PCDH18: variants seen among roughly 807,000 people sequenced by gnomAD.
The protein encoded by PCDH18 is protocadherin 18.
Under a neutral mutation model 71.5 loss-of-function variants are expected in PCDH18, and 38 were observed. The ratio of observed to expected loss-of-function variants is 0.53; its 90% CI spans 0.41 to 0.70. The LOEUF (loss-of-function observed/expected upper bound fraction) is 0.70. PCDH18 is among the 30% of genes least tolerant of loss of function. The pLI is 0.00. For synonymous variants in PCDH18, 565 were observed against 505.4 expected (o/e 1.12, Z -1.58); for missense variants, 1,334 against 1,384.6 (o/e 0.96, Z 0.58).
rs114619978 is a variant in PCDH18 at position 137,519,988 on chromosome 4, T to C, written c.*1041A>G. 8.0e-3 allele frequency: 1,220 copies of C among 152,644 alleles called. 10 individuals are homozygous for C. The highest frequency in any genetic ancestry group is 0.044 in the Middle Eastern group (13 of 294). The allele number at this position is 152,644 out of a possible 1,614,324, so 9.5% of individuals were successfully genotyped here. A position where few individuals can be genotyped will look rare whatever the true frequency, so the allele number is the denominator to read the frequency against. ...AAAGCAAAAATATGAGATCATGCAC[T>C]GGAGACAAAAGCTAAAAATGAATAG... On this transcript the variant is annotated 3_prime_UTR_variant, in exon 4 of 4. Coordinates refer to ENST00000344876, the MANE Select transcript of PCDH18 (RefSeq NM_019035.5).
In PCDH18 at chr4:137,528,723, A is replaced by C; in HGVS notation, c.2576+9T>G. ...GAAACTTAATAGGTAACACAAGAAT[A>C]ATTCATACCTGTAGCTCCTGGAATA... On this transcript the variant is annotated intron_variant, in intron 2 of 3. Coordinates refer to ENST00000344876, the MANE Select transcript of PCDH18 (RefSeq NM_019035.5). 6.2e-7 allele frequency: 1 copy of C among 1,609,756 alleles called. No individual in the cohort carries two copies. Among genetic ancestry groups the C allele is most frequent in the Non-Finnish European group, 8.5e-7 (1 of 1,176,094 alleles).
intron 3 of PCDH18, among the ~76,000 whole-genome samples, chr4:137,525,529 G>T (rs1323093470): frequency 6.6e-6 from 1 of 152,054 alleles, no homozygotes; most frequent in Non-Finnish European, 1.5e-5. Flanking sequence ...TCCAGAAGTT[G>T]CTGGGGTAAA....
In PCDH18 at chr4:137,532,301, G is replaced by A; in HGVS notation, c.-213C>T. 1 of 702,998 alleles carries A rather than the reference G, an allele frequency of 1.4e-6. No homozygotes were observed. 43.5% of individuals were successfully genotyped at this position (702,998 alleles called of 1,614,324 possible). A position where few individuals can be genotyped will look rare whatever the true frequency, so the allele number is the denominator to read the frequency against. ...CTTCGGCATGGAGTCCAGTCCTTGC[G>A]TTTGTTTGGTCGTTCGTCCTCTTTC... On this transcript the variant is annotated 5_prime_UTR_variant, in exon 1 of 4. The change creates a new upstream start codon in the 5' untranslated region. Transcript: ENST00000344876.
In PCDH18 at chr4:137,521,708, A is replaced by T; in HGVS notation, c.2741-12T>A. On this transcript the variant is annotated splice_polypyrimidine_tract_variant and intron_variant, in intron 3 of 3. Coordinates refer to ENST00000344876, the MANE Select transcript of PCDH18 (RefSeq NM_019035.5). Reference sequence around the variant, plus strand: ...GCAGAGTCTCATAGCTGCACTCAAGAAAAACAGTGGGGATTCATTATTATA... The same window carrying T: ...GCAGAGTCTCATAGCTGCACTCAAGTAAAACAGTGGGGATTCATTATTATA... The T allele has an allele frequency of 6.3e-7, 1 of 1,579,006 alleles. No individual in the cohort carries two copies. Among genetic ancestry groups the T allele is most frequent in the Non-Finnish European group, 8.6e-7 (1 of 1,161,466 alleles).
rs1731739155 is a variant in PCDH18, at chr4:137,532,231, C to T, written c.-143G>A. 1 of 758,516 alleles carries T rather than the reference C, an allele frequency of 1.3e-6. No individual in the cohort carries two copies. The highest frequency in any genetic ancestry group is 1.4e-5 in the South Asian group (1 of 71,082). 47.0% of individuals were successfully genotyped at this position (758,516 alleles called of 1,614,324 possible). On this transcript the variant is annotated 5_prime_UTR_variant, in exon 1 of 4. Transcript: ENST00000344876. ...TAACACAGCACAGCAATTAACAGCT[C>T]GCAAACTTTTGTTTTATACACACCG...
Position 137,521,696 on chromosome 4 carries a change from G to A in PCDH18, c.2741C>T (p.Ala914Val), listed in dbSNP as rs1192410783. 12 of 1,588,868 alleles carry A rather than the reference G, an allele frequency of 7.6e-6. No individual in the cohort carries two copies. The highest frequency in any genetic ancestry group is 2.2e-5 in the East Asian group (1 of 44,510). ...GCACTCCTCCGTGCAGAGTCTCATA[G>A]CTGCACTCAAGAAAAACAGTGGGGA... ...LFLTDGRIPAAMRLCTEECRV... is the reference protein window; with the variant it reads ...LFLTDGRIPAVMRLCTEECRV... The change falls in exon 4 of 4, where the codon GCT becomes GTT. Residue 914 changes from alanine to valine, a missense_variant and splice_region_variant. Around this residue, in one of 3 missense-constraint regions of PCDH18, gnomAD observed 319 missense variants for 316.3 expected, o/e 1.01. Coordinates refer to ENST00000344876, the MANE Select transcript of PCDH18 (RefSeq NM_019035.5).
chr4:137,525,402 G>T (rs1159212708), intron 3 of PCDH18, among the ~76,000 whole-genome samples: 1 of 152,074 alleles, frequency 6.6e-6, no homozygotes, highest in African/African-American at 2.4e-5. Context: ...TAAATGCTAT[G>T]GAAACTGTGC....
Position 137,520,174 on chromosome 4 carries a change from C to T in PCDH18, c.*855G>A, listed in dbSNP as rs1731248279. The T allele has an allele frequency of 6.6e-6, 1 of 152,548 alleles. No homozygotes were observed. Among genetic ancestry groups the T allele is most frequent in the South Asian group, 2.1e-4 (1 of 4,826 alleles). The allele number at this position is 152,548 out of a possible 1,614,324, so 9.4% of individuals were successfully genotyped here. ...GTTTTTATCCAGTAATATTTTATGC[C>T]ATTAGAACACATACTGTTATCCATT... On this transcript the variant is annotated 3_prime_UTR_variant, in exon 4 of 4. Transcript: ENST00000344876.
intron 3 of PCDH18, among the ~76,000 whole-genome samples, chr4:137,522,704 G>A (rs985380250): frequency 2.0e-5 from 3 of 152,254 alleles, no homozygotes; most frequent in African/African-American, 7.2e-5. Context: ...TATATATTAA[G>A]AGCTAATTTT....
chr4:137,525,021 C>T (rs887433837), intron 3 of PCDH18, among the ~76,000 whole-genome samples: 12 of 151,966 alleles, frequency 7.9e-5, no homozygotes, highest in Non-Finnish European at 1.5e-4. Flanking sequence ...TAATCAGAGA[C>T]GACAGACTGA....
At chr4:137,527,892 C>T (rs1453740615) in intron 3 of PCDH18, among the ~76,000 whole-genome samples, 1 of 152,132 alleles carries the variant, frequency 6.6e-6, no homozygotes, top group Non-Finnish European at 1.5e-5. Flanking sequence ...ACTCTTGGGT[C>T]CCTGTGCCTC....
intron 3 of PCDH18, among the ~76,000 whole-genome samples, chr4:137,523,825 T>A (rs942637876): frequency 2.6e-5 from 4 of 152,206 alleles, no homozygotes; most frequent in Admixed American, 2.6e-4. Flanking sequence ...ACAGTGAATG[T>A]TATTTGCAAC....
rs761876038 is a variant in PCDH18, at chr4:137,531,272, G to C, written c.817C>G (p.Pro273Ala). 7.4e-6 allele frequency: 12 copies of C among 1,613,652 alleles called. No homozygotes were observed. The highest frequency in any genetic ancestry group is 1.3e-5 in the African/African-American group (1 of 74,928). ...ATTTTCCCATTAGCGCCCTCATCTG[G>C]ATCCGTGGCATTCAGATCTAAGAGC... Reference protein sequence around the residue: ...TLLLDLNATDPDEGANGKIVY... With the variant: ...TLLLDLNATDADEGANGKIVY... Residue 273 changes from proline (P) to alanine (A), a missense_variant, in exon 1 of 4, where the codon CCA becomes GCA. Physicochemically the swap from Pro to Ala is conservative, Grantham distance 27. Coordinates refer to ENST00000344876, the MANE Select transcript of PCDH18 (RefSeq NM_019035.5).
chr4:137,528,889 A>G, intron 1 of PCDH18, 69 bp from the exon 2 acceptor site: 3 of 1,045,756 alleles, frequency 2.9e-6, no homozygotes, highest in Non-Finnish European at 3.0e-6. Context: ...TTTAAGCAAG[A>G]AAAACAGTTG....
rs2149216020 is a variant in PCDH18 at position 137,530,523 on chromosome 4, T to A, written c.1566A>T (p.Pro522=). 6.2e-7 allele frequency: 1 copy of A among 1,613,872 alleles called. No individual in the cohort carries two copies. Among genetic ancestry groups the A allele is most frequent in the Non-Finnish European group, 8.5e-7 (1 of 1,179,818 alleles). The stretch of plus-strand genomic sequence containing the variant: ...TGAGGGCATAGATGGCTCCATTAGA[T>A]GGGTCAATGGTTACATATGTAGTTA... ...SSITTYVTID[P]SNGAIYALRI... is the part of the protein sequence containing the mutation. Residue 522 remains proline, a synonymous_variant, in exon 1 of 4, where the codon CCA becomes CCT. Transcript: ENST00000344876.
rs1431945485 is a variant in PCDH18 at position 137,521,700 on chromosome 4, C to T, written c.2741-4G>A. 3.8e-6 allele frequency: 6 copies of T among 1,586,354 alleles called. No homozygotes were observed. In the African/African-American group the frequency reaches 6.7e-5, roughly 18 times the overall value. ...TCCTCCGTGCAGAGTCTCATAGCTGCACTCAAGAAAAACAGTGGGGATTCA... is the reference window on the plus strand; with the variant it reads ...TCCTCCGTGCAGAGTCTCATAGCTGTACTCAAGAAAAACAGTGGGGATTCA... On this transcript the variant is annotated splice_polypyrimidine_tract_variant and splice_region_variant and intron_variant, in intron 3 of 3. Coordinates refer to ENST00000344876, the MANE Select transcript of PCDH18 (RefSeq NM_019035.5).
chr4:137,519,155 G>T lies in PCDH18; in HGVS notation c.*1874C>A, dbSNP rs1731217023. The T allele has an allele frequency of 6.6e-6, 1 of 152,140 alleles. No individual in the cohort carries two copies. The allele number at this position is 152,140 out of a possible 1,614,324, so 9.4% of individuals were successfully genotyped here. On this transcript the variant is annotated 3_prime_UTR_variant, in exon 4 of 4. Transcript: ENST00000344876. The stretch of plus-strand genomic sequence containing the variant: ...TGAAAAATATACTGAAATTTCACTT[G>T]TAATTGCAATCTCTCCTATAAAGGA...
At position 137,528,525 on chromosome 4, in the gene PCDH18, C is replaced by T. The variant is rs1427577345; in HGVS notation, c.2693G>A (p.Gly898Asp). 6.2e-7 allele frequency: 1 copy of T among 1,613,878 alleles called. No individual in the cohort carries two copies. Among genetic ancestry groups the T allele is most frequent in the Non-Finnish European group, 8.5e-7 (1 of 1,179,846 alleles). Residue 898 changes from glycine (G) to aspartate (D), a missense_variant, in exon 3 of 4, where the codon GGT (glycine) becomes GAT (aspartate). Around this residue, in one of 3 missense-constraint regions of PCDH18, gnomAD observed 319 missense variants for 316.3 expected, o/e 1.01. Coordinates refer to ENST00000344876, the MANE Select transcript of PCDH18 (RefSeq NM_019035.5). ...GAGAAACAGGTCGCTGAATCCTTCA[C>T]CCAACAGCCTATCTATTGGAGAATC... ...GRDSPIDRLLGEGFSDLFLTD... is the reference protein window; with the variant it reads ...GRDSPIDRLLDEGFSDLFLTD...
At chr4:137,522,781 A>G (rs1731337841) in intron 3 of PCDH18, among the ~76,000 whole-genome samples, 1 of 152,190 alleles carries the variant, frequency 6.6e-6, no homozygotes, top group Admixed American at 6.5e-5. Flanking sequence ...TGACTCTTGA[A>G]GGATGCCCAT....
Sources: allele counts gnomAD v4.1 joint callset (sites outside exome capture counted in the v4.1 genomes callset), GRCh38; gene constraint gnomAD v4.1.1; regional missense constraint gnomAD v4.1.1; transcripts MANE v1.5; gene names NCBI Gene and HGNC (gene_info 2026-07-23, HGNC 2026-07-21).